Variants in DGCR2 observed in about 807,000 individuals in gnomAD.
The protein encoded by DGCR2 is integral membrane protein DGCR2/IDD.
In DGCR2, 24 loss-of-function variants were observed where a neutral mutation model predicts 51.6. The ratio of observed to expected loss-of-function variants is 0.47; its 90% CI spans 0.34 to 0.65. The LOEUF (loss-of-function observed/expected upper bound fraction) is 0.65. DGCR2 is among the 30% of genes least tolerant of loss of function. The pLI, the probability that DGCR2 is intolerant of heterozygous loss-of-function variation, is 0.01. For synonymous variants in DGCR2, 340 were observed against 315.4 expected (o/e 1.08, Z -0.82); for missense variants, 765 against 772.1 (o/e 0.99, Z 0.11).
At chr22:19,095,539 T>C (rs2083129557) in intron 1 of DGCR2, among the ~76,000 whole-genome samples, 1 of 151,526 alleles carries the variant, frequency 6.6e-6, no homozygotes, top group South Asian at 2.1e-4. Context: ...CGGGCGCCTG[T>C]AGTCCCAGCT....
rs2083441690 is a variant in DGCR2 at position 19,122,173 on chromosome 22, G to GC, written c.33dup (p.Leu12AlafsTer41). 1 of 1,511,676 alleles carries GC rather than the reference G, an allele frequency of 6.6e-7. No individual in the cohort carries two copies. The highest frequency in any genetic ancestry group is 1.5e-5 in the African/African-American group (1 of 68,850). 93.6% of individuals were successfully genotyped at this position (1,511,676 alleles called of 1,614,324 possible). ...ACAGTGAGCACGAGCAGGAAGAGCA[G>GC]CAGGAAGGCGCCGCTGTCTGCCTTG... On this transcript the variant is annotated frameshift_variant, in exon 1 of 10. Transcript: ENST00000263196. LOFTEE classifies it high-confidence loss of function.
chr22:19,068,084 C>T lies in DGCR2; in HGVS notation c.328+16G>A, dbSNP rs376423759. The T allele has an allele frequency of 9.0e-6, 14 of 1,557,186 alleles. No individual in the cohort carries two copies. The highest frequency in any genetic ancestry group is 2.7e-5 in the African/African-American group (2 of 73,614). On this transcript the variant is annotated intron_variant, in intron 3 of 9. Transcript: ENST00000263196. ...GCACTCCCCAGTGTCCCAGTCAGGG[C>T]AGGTCTGCAACTTACTGCTGAAGCG... is the stretch of plus-strand genomic sequence containing the variant.
rs1205175138 is a variant in DGCR2 at position 19,038,520 on chromosome 22, A to G, written c.*345T>C. ...GCACACTGCACCAAGTAAGCCCACC[A>G]AAAACGCATCAGGTGTGGCCATGGC... is the stretch of plus-strand genomic sequence containing the variant. On this transcript the variant is annotated 3_prime_UTR_variant, in exon 10 of 10. Coordinates refer to ENST00000263196, the MANE Select transcript of DGCR2 (RefSeq NM_005137.3). 1 of 299,394 alleles carries G rather than the reference A, an allele frequency of 3.3e-6. No homozygotes were observed. The highest frequency in any genetic ancestry group is 6.3e-6 in the Non-Finnish European group (1 of 159,436). The allele number at this position is 299,394 out of a possible 1,614,324, so 18.5% of individuals were successfully genotyped here.
chr22:19,104,111 T>G (rs1428512178), intron 1 of DGCR2, among the ~76,000 whole-genome samples: 1 of 152,044 alleles, frequency 6.6e-6, no homozygotes, highest in South Asian at 2.1e-4. Flanking sequence ...TCAAATAGTG[T>G]CTGGAAATGC....
intron 2 of DGCR2, among the ~76,000 whole-genome samples, chr22:19,072,448 C>A (rs1401370757): frequency 1.3e-5 from 2 of 152,116 alleles, no homozygotes; most frequent in African/African-American, 4.8e-5. Flanking sequence ...GAGGCAGAGA[C>A]CCAAACCACA....
chr22:19,095,743 T>TTTTA (rs967423967), intron 1 of DGCR2, among the ~76,000 whole-genome samples: 10 of 152,012 alleles, frequency 6.6e-5, no homozygotes, highest in Non-Finnish European at 1.0e-4. Flanking sequence ...AAGGCTTTTT[T>TTTTA]TAACTATCAT....
intron 5 of DGCR2, 97 bp downstream of exon 5, chr22:19,063,105 C>T (rs561071551): frequency 2.3e-5 from 27 of 1,197,156 alleles, no homozygotes; most frequent in Admixed American, 3.8e-5. Context: ...AGCACCCCTA[C>T]GGGCCAGGCA....
intron 2 of DGCR2, among the ~76,000 whole-genome samples, chr22:19,086,334 C>A (rs976160638): frequency 2.6e-5 from 4 of 151,990 alleles, no homozygotes; most frequent in African/African-American, 7.3e-5. Flanking sequence ...AAAAAATTAG[C>A]CGGGTGTGGT....
chr22:19,062,429 A>G (rs924080874), intron 5 of DGCR2, among the ~76,000 whole-genome samples: 7 of 152,180 alleles, frequency 4.6e-5, no homozygotes, highest in Admixed American at 1.3e-4. Context: ...CCCCAGGCCC[A>G]TCACTCCTCA....
chr22:19,055,981 C>A, intron 6 of DGCR2: 2 of 156,048 alleles, frequency 1.3e-5, no homozygotes, highest in South Asian at 3.9e-4. Flanking sequence ...TGGTGGTGGT[C>A]ATGGAGTGGA....
intron 1 of DGCR2, among the ~76,000 whole-genome samples, chr22:19,103,576 G>A (rs1367536748): frequency 6.7e-5 from 10 of 149,830 alleles, no homozygotes; most frequent in African/African-American, 1.7e-4. Flanking sequence ...GATTAGGCGC[G>A]CACCATCACG....
At chr22:19,096,361 GAA>G (rs1464570574) in intron 1 of DGCR2, among the ~76,000 whole-genome samples, 1 of 152,104 alleles carries the variant, frequency 6.6e-6, no homozygotes, top group East Asian at 1.9e-4. Context: ...GCAGAGGTGA[GAA>G]AAAGAGGTTG....
At chr22:19,039,360 G>T (rs1177399562) in intron 9 of DGCR2, among the ~76,000 whole-genome samples, 3 of 152,166 alleles carry the variant, frequency 2.0e-5, no homozygotes, top group African/African-American at 7.2e-5. Context: ...GCAAGGTGCA[G>T]GGCCCATCTC....
At chr22:19,091,078 C>CA (rs566455318) in intron 1 of DGCR2, among the ~76,000 whole-genome samples, 37 of 111,638 alleles carry the variant, frequency 3.3e-4, no homozygotes, top group African/African-American at 1.5e-3. Context: ...AGGGCAGGTA[C>CA]ATGGCTCATT....
intron 1 of DGCR2, among the ~76,000 whole-genome samples, chr22:19,093,510 TA>T (rs1171131495): frequency 1.3e-5 from 2 of 151,962 alleles, no homozygotes; most frequent in Non-Finnish European, 1.5e-5. Context: ...ACACAATCTA[TA>T]AAAAAAATTG....
At position 19,037,652 on chromosome 22, in the gene DGCR2, A is replaced by T. The variant is rs2082385230; in HGVS notation, c.*1213T>A. ...AAAGATCCAGACATTCAACGTAGAA[A>T]AGATATGGATGTGCTAAAAATCGCA... On this transcript the variant is annotated 3_prime_UTR_variant, in exon 10 of 10. Coordinates refer to ENST00000263196, the MANE Select transcript of DGCR2 (RefSeq NM_005137.3). 6.6e-6 allele frequency: 1 copy of T among 152,272 alleles called. No homozygotes were observed. Among genetic ancestry groups the T allele is most frequent in the African/African-American group, 2.4e-5 (1 of 41,466 alleles). 9.4% of individuals were successfully genotyped at this position (152,272 alleles called of 1,614,324 possible).
chr22:19,085,143 A>G (rs1365486252), intron 2 of DGCR2, among the ~76,000 whole-genome samples: 1 of 152,116 alleles, frequency 6.6e-6, no homozygotes, highest in African/African-American at 2.4e-5. Context: ...CACTGGGAAA[A>G]CAGAAACCAT....
chr22:19,084,690 C>T (rs1444163067), intron 2 of DGCR2, among the ~76,000 whole-genome samples: 1 of 112,242 alleles, frequency 8.9e-6, no homozygotes, highest in Non-Finnish European at 2.1e-5. Context: ...CCCGCCCGGC[C>T]AGCTGCCCCG....
chr22:19,076,668 C>T lies in DGCR2; in HGVS notation c.203-8443G>A, dbSNP rs145986312. Among the ~76,000 whole-genome samples the T allele has an allele frequency of 6.8e-4, 102 of 150,224 alleles. 2 individuals are homozygous for T. In the East Asian group the frequency reaches 0.018, roughly 26 times the overall value. ...TTGCATTTCTCTAATCATTAATGTG[C>T]TTATCAGTCATTTGTTTATCTTCTT... is the stretch of plus-strand genomic sequence containing the variant. On this transcript the variant is annotated intron_variant, in intron 2 of 9. Transcript: ENST00000263196.
Sources: gnomAD v4.1 joint callset for allele counts (sites outside exome capture counted in the v4.1 genomes callset) on GRCh38, gnomAD v4.1.1 for gene constraint, MANE v1.5 for transcripts, NCBI Gene and HGNC (gene_info 2026-07-23, HGNC 2026-07-21) for gene names.